Variants in SYTL2 observed in about 807,000 individuals in gnomAD.
SYTL2 encodes synaptotagmin like 2.
In SYTL2, 165 loss-of-function variants were observed where a neutral mutation model predicts 198.7. That is an observed-to-expected ratio of 0.83 (90% CI 0.73 to 0.94). The LOEUF is 0.94. SYTL2 is among the 40% of genes least tolerant of loss of function. The pLI is 0.00. For synonymous variants in SYTL2, 966 were observed against 917.7 expected (o/e 1.05, Z -0.95); for missense variants, 2,835 against 2,582.8 (o/e 1.10, Z -2.12).
chr11:85,780,917 G>T (rs1478486240), intron 1 of SYTL2, among the ~76,000 whole-genome samples: 5 of 152,230 alleles, frequency 3.3e-5, no homozygotes, highest in Non-Finnish European at 7.3e-5. Context: ...GTTAGGCAAT[G>T]TCAGAATTGA....
At position 85,757,647 on chromosome 11, in the gene SYTL2, TC is replaced by T; in HGVS notation, c.78del (p.Arg27GlyfsTer20). The T allele has an allele frequency of 6.2e-7, 1 of 1,613,882 alleles. No homozygotes were observed. The highest frequency in any genetic ancestry group is 8.5e-7 in the Non-Finnish European group (1 of 1,179,930). ...TACCTGACTCTCTCTTCTTCGGCCC[TC>T]TTCAGAGCAGCATCCCGCTGCAAAA... ...MKVLQRDAAL[K>X]RAEEERVRHL... On this transcript the variant is annotated frameshift_variant, in exon 2 of 20. Coordinates refer to ENST00000359152, the MANE Select transcript of SYTL2 (RefSeq NM_206927.4). LOFTEE classifies it high-confidence loss of function.
the SYTL2 span, among the ~76,000 whole-genome samples, chr11:85,817,583 A>G: frequency 6.6e-6 from 1 of 152,196 alleles, no homozygotes; most frequent in Non-Finnish European, 1.5e-5. Flanking sequence ...TTTCTTTTGT[A>G]AAGGCCTGCT....
intron 1 of SYTL2, among the ~76,000 whole-genome samples, chr11:85,758,783 T>C (rs996703554): frequency 2.6e-5 from 4 of 152,204 alleles, no homozygotes; most frequent in African/African-American, 9.6e-5. Context: ...AGTTGCACAA[T>C]GTGCAAGAAT....
At chr11:85,792,237 C>G (rs558415319) in intron 1 of SYTL2, among the ~76,000 whole-genome samples, 36 of 152,080 alleles carry the variant, frequency 2.4e-4, no homozygotes, top group African/African-American at 8.0e-4. Flanking sequence ...TGGTGATCTT[C>G]AAATTAGGGG....
At chr11:85,812,381 T>C (rs1322947442), upstream of SYTL2, among the ~76,000 whole-genome samples, 1 of 152,220 alleles carries the variant, frequency 6.6e-6, no homozygotes, top group African/African-American at 2.4e-5. Flanking sequence ...CCAAGAGTCC[T>C]GGCACTGTGC....
chr11:85,697,270 G>A (rs1330904292), intron 18 of SYTL2, among the ~76,000 whole-genome samples: 3 of 152,084 alleles, frequency 2.0e-5, no homozygotes, highest in Non-Finnish European at 4.4e-5. Flanking sequence ...GAACTCCTGG[G>A]CTCCAGTGAT....
At chr11:85,849,767 C>A in the SYTL2 span, among the ~76,000 whole-genome samples, 2 of 146,284 alleles carry the variant, frequency 1.4e-5, no homozygotes, top group African/African-American at 5.1e-5. Context: ...CTTGGCGATG[C>A]GGGCTCTTTT....
At chr11:85,821,039 T>C in the SYTL2 span, among the ~76,000 whole-genome samples, 1 of 152,202 alleles carries the variant, frequency 6.6e-6, no homozygotes, top group African/African-American at 2.4e-5. Context: ...TCTGTCCTCA[T>C]GAAGTGTACT....
the SYTL2 span, among the ~76,000 whole-genome samples, chr11:85,816,172 T>TA: frequency 1.3e-5 from 2 of 151,844 alleles, no homozygotes; most frequent in Non-Finnish European, 2.9e-5. Context: ...CTCAATAAAT[T>TA]AAAAAATAAG....
At chr11:85,821,094 G>C in the SYTL2 span, among the ~76,000 whole-genome samples, 2 of 152,166 alleles carry the variant, frequency 1.3e-5, no homozygotes, top group African/African-American at 4.8e-5. Context: ...CTCTGAAACA[G>C]TGATAACACC....
intron 8 of SYTL2, among the ~76,000 whole-genome samples, chr11:85,722,170 ATTTTTTTT>A (rs574669583): frequency 2.1e-5 from 2 of 94,634 alleles, no homozygotes; most frequent in Non-Finnish European, 2.1e-5. Context: ...TGTTTAGGTG[ATTTTTTTT>A]TTTTTTTTTT....
At chr11:85,817,662 C>G in the SYTL2 span, among the ~76,000 whole-genome samples, 1 of 152,144 alleles carries the variant, frequency 6.6e-6, no homozygotes, top group East Asian at 1.9e-4. Context: ...AGCTCTATTT[C>G]TCATTGTTTC....
the SYTL2 span, among the ~76,000 whole-genome samples, chr11:85,838,014 T>C: frequency 6.6e-6 from 1 of 152,122 alleles, no homozygotes; most frequent in Admixed American, 6.5e-5. Context: ...TTTTTATTTA[T>C]TTATGCCGGT....
chr11:85,765,041 A>T (rs1303424777), intron 1 of SYTL2, among the ~76,000 whole-genome samples: 1 of 152,218 alleles, frequency 6.6e-6, no homozygotes, highest in East Asian at 1.9e-4. Flanking sequence ...TTCTATTTTT[A>T]AAAAACACAT....
At chr11:85,808,273 G>A (rs1048049761) in intron 1 of SYTL2, among the ~76,000 whole-genome samples, 21 of 151,984 alleles carry the variant, frequency 1.4e-4, no homozygotes, top group African/African-American at 5.1e-4. Context: ...CACTATATTG[G>A]CCAGGCTGGT....
intron 16 of SYTL2, 152 bp from the exon 17 acceptor site, chr11:85,700,745 TAGAC>T: frequency 1.7e-6 from 1 of 591,980 alleles, no homozygotes; most frequent in African/African-American, 1.8e-5. Flanking sequence ...GCATCAGAAC[TAGAC>T]TGTTGCCTTA....
At chr11:85,696,792 T>C (rs2083471385) in intron 18 of SYTL2, among the ~76,000 whole-genome samples, 1 of 152,252 alleles carries the variant, frequency 6.6e-6, no homozygotes, top group Non-Finnish European at 1.5e-5. Flanking sequence ...CTAGTAATCA[T>C]TTGAGGATTC....
chr11:85,777,812 C>CTTTTT (rs57873368), intron 1 of SYTL2, among the ~76,000 whole-genome samples: 22,015 of 63,068 alleles, frequency 0.35, 5,143 homozygotes, highest in Non-Finnish European at 0.41. Context: ...GGTCTTACTT[C>CTTTTT]TTTTTTTTTT....
intron 4 of SYTL2, among the ~76,000 whole-genome samples, chr11:85,741,263 A>G (rs375493054): frequency 1.3e-5 from 2 of 152,200 alleles, no homozygotes; most frequent in African/African-American, 4.8e-5. Context: ...ACAAATGAGC[A>G]AACAAATGAA....
Sources: gnomAD v4.1 joint callset for allele counts (sites outside exome capture counted in the v4.1 genomes callset) on GRCh38, gnomAD v4.1.1 for gene constraint, MANE v1.5 for transcripts, NCBI Gene and HGNC (gene_info 2026-07-23, HGNC 2026-07-21) for gene names.